Variants in GOLGA4 observed in about 807,000 individuals in gnomAD.
GOLGA4 encodes the protein golgin A4, also known as golgin subfamily A member 4.
A neutral mutation model predicts 265.9 loss-of-function variants in GOLGA4; 169 were observed. The ratio of observed to expected loss-of-function variants is 0.64; its 90% confidence interval spans 0.56 to 0.72. The LOEUF (loss-of-function observed/expected upper bound fraction) is 0.72, where lower values mean the gene tolerates loss of function less well. Among genes scored for constraint, GOLGA4 ranks in the 30% least tolerant of loss-of-function variants. The pLI, the probability that GOLGA4 is intolerant of heterozygous loss-of-function variation, is 0.00. For synonymous variants in GOLGA4, 923 were observed against 855.8 expected, an observed-to-expected ratio of 1.08 and a Z score of -1.37; for missense variants, 2,482 against 2,483.4, an observed-to-expected ratio of 1.00 and a Z score of 0.01.
chr3:37,291,094 T>C (rs1328295714), intron 5 of GOLGA4, among the ~76,000 whole-genome samples: 1 of 152,180 alleles, frequency 6.6e-6, no homozygotes, highest in Non-Finnish European at 1.5e-5. Flanking sequence ...TACATAGTAA[T>C]GGAGAGCAGG....
intron 13 of GOLGA4, among the ~76,000 whole-genome samples, chr3:37,322,759 A>G (rs2096958613): frequency 6.6e-6 from 1 of 152,128 alleles, no homozygotes; most frequent in Admixed American, 6.5e-5. Context: ...TAACTCCTTC[A>G]GAGTCAAAAT....
At chr3:37,275,084 C>T (rs929087979) in intron 2 of GOLGA4, among the ~76,000 whole-genome samples, 5 of 151,440 alleles carry the variant, frequency 3.3e-5, no homozygotes, top group Admixed American at 2.0e-4. Flanking sequence ...GGCGTGGTGG[C>T]GGGTACCTGT....
At chr3:37,304,015 C>T (rs192155399) in intron 10 of GOLGA4, among the ~76,000 whole-genome samples, 34 of 152,088 alleles carry the variant, frequency 2.2e-4, no homozygotes, top group Admixed American at 1.4e-3. Context: ...AGATTTAATC[C>T]AGGCATTGTG....
chr3:37,358,078 G>A (rs754285439), intron 22 of GOLGA4, among the ~76,000 whole-genome samples: 1 of 152,192 alleles, frequency 6.6e-6, no homozygotes, highest in Admixed American at 6.5e-5. Flanking sequence ...ATTTTGCCGA[G>A]CTGCCCCCTC....
chr3:37,247,858 G>T (rs1434245381), intron 1 of GOLGA4, among the ~76,000 whole-genome samples: 2 of 152,096 alleles, frequency 1.3e-5, no homozygotes, highest in African/African-American at 4.8e-5. Context: ...TCCTTGCCAC[G>T]TGCCCCTGTA....
At chr3:37,338,411 A>G (rs1456159755) in intron 19 of GOLGA4, among the ~76,000 whole-genome samples, 2 of 152,176 alleles carry the variant, frequency 1.3e-5, no homozygotes, top group Non-Finnish European at 1.5e-5. Flanking sequence ...ATTTTTCATA[A>G]TATTTCTAAA....
Position 37,361,324 on chromosome 3 carries a change from C to T in GOLGA4, c.*33+19C>T. 6.3e-7 allele frequency: 1 copy of T among 1,582,364 alleles called. No homozygotes were observed. The highest frequency in any genetic ancestry group is 8.7e-7 in the Non-Finnish European group (1 of 1,151,992). ...ACATGTGGTGAGTGAAGAACAATGT[C>T]TTGTGTCTTTTGTGCAAAAATCAAA... On this transcript the variant is annotated intron_variant, in intron 23 of 23. Coordinates refer to ENST00000361924, the MANE Select transcript of GOLGA4 (RefSeq NM_002078.5).
In GOLGA4 at chr3:37,337,133, AT is replaced by A; in HGVS notation, c.6307-4del. On this transcript the variant is annotated splice_polypyrimidine_tract_variant and intron_variant, in intron 17 of 23. Coordinates refer to ENST00000361924, the MANE Select transcript of GOLGA4 (RefSeq NM_002078.5). ...GTATACACTCATGTTTTTTCTTTCC[AT>A]TTTTTCAGGTAACAATTATGGAGCT... 8 of 1,426,342 alleles carry A rather than the reference AT, an allele frequency of 5.6e-6. No homozygotes were observed. Among genetic ancestry groups the A allele is most frequent in the Non-Finnish European group, 6.8e-6 (7 of 1,029,966 alleles). The allele number at this position is 1,426,342 out of a possible 1,614,324, so 88.4% of individuals were successfully genotyped here. A position where few individuals can be genotyped will look rare whatever the true frequency, so the allele number is the denominator to read the frequency against.
intron 2 of GOLGA4, among the ~76,000 whole-genome samples, chr3:37,265,509 C>A (rs2096781300): frequency 6.6e-6 from 1 of 151,978 alleles, no homozygotes; most frequent in Non-Finnish European, 1.5e-5. Flanking sequence ...AAATGTTATT[C>A]TTAAGACTTT....
intron 3 of GOLGA4, among the ~76,000 whole-genome samples, chr3:37,283,575 G>A (rs2096840392): frequency 1.3e-5 from 2 of 152,088 alleles, no homozygotes; most frequent in Admixed American, 6.6e-5. Flanking sequence ...CTGGAGTGCA[G>A]TGGCTCAAAC....
intron 10 of GOLGA4, among the ~76,000 whole-genome samples, chr3:37,310,732 TG>T (rs2096920752): frequency 6.6e-6 from 1 of 151,740 alleles, no homozygotes; most frequent in South Asian, 2.1e-4. Context: ...TGTGTGTGTG[TG>T]TGTTTTTTTT....
intron 22 of GOLGA4, among the ~76,000 whole-genome samples, chr3:37,355,791 A>G (rs1429205151): frequency 6.6e-6 from 1 of 152,158 alleles, no homozygotes; most frequent in African/African-American, 2.4e-5. Flanking sequence ...TAATTTAATA[A>G]GATCCATTCT....
At position 37,282,133 on chromosome 3, in the gene GOLGA4, G is replaced by A. The variant is rs748127866; in HGVS notation, c.338G>A (p.Ser113Asn). 30 of 1,614,180 alleles carry A rather than the reference G, an allele frequency of 1.9e-5. No homozygotes were observed. Among genetic ancestry groups the A allele is most frequent in the Non-Finnish European group, 2.4e-5 (28 of 1,180,020 alleles). ...CTTGACCTGGACAGTTCTACTGCCAGTTTTGATCCACCCTCTGATATGGAT... is the reference window on the plus strand; with the variant it reads ...CTTGACCTGGACAGTTCTACTGCCAATTTTGATCCACCCTCTGATATGGAT... ...NRLDLDSSTA[S>N]FDPPSDMDSE... The change falls in exon 3 of 24, where the codon AGT becomes AAT. Residue 113 changes from serine to asparagine, a missense_variant. By Grantham distance (46) the Ser-to-Asn change is conservative (BLOSUM62 1). This residue lies in a region of GOLGA4 where 1,536 missense variants were observed against 1,483.7 expected (regional missense o/e 1.04). Transcript: ENST00000361924.
chr3:37,275,133 T>C (rs944609671), intron 2 of GOLGA4, among the ~76,000 whole-genome samples: 18 of 145,098 alleles, frequency 1.2e-4, no homozygotes, highest in Non-Finnish European at 2.2e-4. Flanking sequence ...GGAGAATTGC[T>C]TGAACCCGGG....
At chr3:37,317,431 A>T (rs1390885851) in intron 11 of GOLGA4, among the ~76,000 whole-genome samples, 1 of 152,140 alleles carries the variant, frequency 6.6e-6, no homozygotes, top group Non-Finnish European at 1.5e-5. Context: ...TGGCCTCCCA[A>T]ATTGTTGGGA....
chr3:37,293,740 G>T (rs2096870821), intron 5 of GOLGA4, among the ~76,000 whole-genome samples: 1 of 152,200 alleles, frequency 6.6e-6, no homozygotes, highest in Non-Finnish European at 1.5e-5. Context: ...GTAGCCAGGA[G>T]CCCTAAAGCC....
At chr3:37,262,855 G>T (rs2096773661) in intron 2 of GOLGA4, among the ~76,000 whole-genome samples, 1 of 152,072 alleles carries the variant, frequency 6.6e-6, no homozygotes, top group East Asian at 1.9e-4. Flanking sequence ...TTTGTTCAGT[G>T]ATGGACTGCA....
intron 2 of GOLGA4, chr3:37,275,797 T>C (rs554696106): frequency 1.1e-5 from 17 of 1,613,570 alleles, no homozygotes; most frequent in East Asian, 6.7e-5. Context: ...AGAATATTCC[T>C]ATGACCCTGG....
intron 4 of GOLGA4, among the ~76,000 whole-genome samples, chr3:37,286,340 A>G (rs1436607616): frequency 1.3e-5 from 2 of 149,024 alleles, no homozygotes; most frequent in Non-Finnish European, 3.0e-5. Context: ...TTTTTAGTAG[A>G]GACGGGGTTT....
Sources: allele counts gnomAD v4.1 joint callset (sites outside exome capture counted in the v4.1 genomes callset), GRCh38; gene constraint gnomAD v4.1.1; regional missense constraint gnomAD v4.1.1; transcripts MANE v1.5; gene names NCBI Gene and HGNC (gene_info 2026-07-23, HGNC 2026-07-21).